The following LAMA1 variants were observed in gnomAD, a reference collection of about 807,000 sequenced individuals.
LAMA1 encodes the protein laminin subunit alpha 1, also known as laminin subunit alpha-1.
LAMA1 carries 219 observed loss-of-function variants against 348.7 expected under a neutral mutation model. The observed-to-expected ratio is 0.63, with a 90% CI of 0.56 to 0.70. The LOEUF is 0.70. LAMA1 is among the 30% of genes least tolerant of loss of function. The pLI, the probability that LAMA1 is intolerant of heterozygous loss-of-function variation, is 0.00. For missense variants in LAMA1, 3,744 were observed against 3,888.0 expected (o/e 0.96, Z 0.99); for synonymous variants, 1,487 against 1,491.0 (o/e 1.00, Z 0.06).
In LAMA1 at chr18:7,101,840, A is replaced by AT. The variant is rs34199422; in HGVS notation, c.61+15819dup. ...ATGCCACCACACCTGGCTAATTTCTATTTTTTTTTTTTTTTTGTAGAGCTG... is the reference window on the plus strand; with the variant it reads ...ATGCCACCACACCTGGCTAATTTCTATTTTTTTTTTTTTTTTTGTAGAGCTG... On this transcript the variant is annotated intron_variant, in intron 1 of 62. Coordinates refer to ENST00000389658, the MANE Select transcript of LAMA1 (RefSeq NM_005559.4). Among the ~76,000 whole-genome samples, 495 of 131,740 alleles carry AT rather than the reference A, an allele frequency of 3.8e-3. 3 individuals carry two copies. The highest frequency in any genetic ancestry group is 0.01 in the African/African-American group (352 of 34,896). The allele number at this position is 131,740 out of a possible 152,430, so 86.4% of individuals were successfully genotyped here.
At chr18:7,063,834 G>A (rs957232910) in intron 3 of LAMA1, among the ~76,000 whole-genome samples, 3 of 152,182 alleles carry the variant, frequency 2.0e-5, no homozygotes, top group Non-Finnish European at 4.4e-5. Context: ...GCTGAATGGA[G>A]GCTACCCAGG....
In LAMA1 at chr18:6,997,761, T is replaced by C. The variant is rs752111097; in HGVS notation, c.4787A>G (p.Asn1596Ser). The C allele has an allele frequency of 3.1e-6, 5 of 1,613,818 alleles. No homozygotes were observed. In the African/African-American group the frequency reaches 6.7e-5, roughly 22 times the overall value. The change falls in exon 33 of 63, where the codon AAT becomes AGT. Residue 1596 changes from asparagine to serine, a missense_variant. Around this residue, in one of 3 missense-constraint regions of LAMA1, gnomAD observed 1,983 missense variants for 1,934.3 expected, o/e 1.03. Coordinates refer to ENST00000389658, the MANE Select transcript of LAMA1 (RefSeq NM_005559.4). ...VPYGILSNLE[N>S]TTKYLQESLL... is the part of the protein sequence containing the mutation. ...ACCTACCTGGAGATATTTAGTTGTA[T>C]TTTCCAGGTTTGACAAAATTCCATA...
At position 7,037,671 on chromosome 18, in the gene LAMA1, C is replaced by T. The variant is rs773428100; in HGVS notation, c.1644G>A (p.Gly548=). The change falls in exon 12 of 63, where the codon GGG becomes GGA. Residue 548 remains glycine, a synonymous_variant. Coordinates refer to ENST00000389658, the MANE Select transcript of LAMA1 (RefSeq NM_005559.4). ...KIPSQQDALG[G]RHQVSINNTA... ...TGTTGTTGATGCTGACCTGATGGCGCCCGCCTAGTGCATCTTGCTGAGACG... is the reference window on the plus strand; with the variant it reads ...TGTTGTTGATGCTGACCTGATGGCGTCCGCCTAGTGCATCTTGCTGAGACG... 1.7e-5 allele frequency: 27 copies of T among 1,614,076 alleles called. No homozygotes were observed. In the East Asian group the frequency reaches 6.0e-4, roughly 36 times the overall value.
At chr18:7,035,850 G>GC (rs2057991946) in intron 13 of LAMA1, 137 bp downstream of exon 13, 2 of 718,908 alleles carry the variant, frequency 2.8e-6, no homozygotes, top group Admixed American at 2.0e-5. Context: ...TAGTCCCCAC[G>GC]CAAGTCCAGG....
rs200862963 is a variant in LAMA1, at chr18:7,002,361, C to G, written c.4285G>C (p.Asp1429His). ...CCAGAAGTACACACATCACAATGGT[C>G]ACCTGCTGTGTTATCGCCACAGTTC... The part of the protein sequence containing the change: ...CLNCGDNTAG[D>H]HCDVCTSGYY... The change falls in exon 30 of 63, where the codon GAC (aspartate) becomes CAC (histidine). Residue 1429 changes from aspartate (D) to histidine (H), a missense_variant. By Grantham distance (81) the Asp-to-His change is moderately conservative. This residue lies in a region of LAMA1 where 1,983 missense variants were observed against 1,934.3 expected (regional missense o/e 1.03). Transcript: ENST00000389658. 11 of 1,613,758 alleles carry G rather than the reference C, an allele frequency of 6.8e-6. No individual in the cohort carries two copies. The African/African-American group carries it at 1.5e-4, about 22-fold the overall frequency.
intron 13 of LAMA1, 71 bp downstream of exon 13, chr18:7,035,916 A>G: frequency 7.7e-7 from 1 of 1,306,700 alleles, no homozygotes. Context: ...CTCACCTAGT[A>G]ACTTTCAGTC....
At chr18:7,025,873 TC>T in intron 17 of LAMA1, 105 bp downstream of exon 17, 1 of 1,474,322 alleles carries the variant, frequency 6.8e-7, no homozygotes, top group Non-Finnish European at 9.3e-7. Flanking sequence ...TGGGCAAAAT[TC>T]ACACACGTAT....
chr18:6,978,432 A>G, intron 42 of LAMA1, 54 bp from the exon 43 acceptor site: 13 of 1,461,092 alleles, frequency 8.9e-6, no homozygotes, highest in Non-Finnish European at 1.2e-5. Context: ...CACAGAGAAA[A>G]GAATAAAACG....
chr18:7,107,345 C>T (rs558359992), intron 1 of LAMA1, among the ~76,000 whole-genome samples: 6 of 152,052 alleles, frequency 3.9e-5, no homozygotes, highest in Non-Finnish European at 7.4e-5. Context: ...GTCTCCATCT[C>T]CTGACCTCGT....
Position 7,111,319 on chromosome 18 carries a change from T to C in LAMA1, c.61+6341A>G, listed in dbSNP as rs144851038. Among the ~76,000 whole-genome samples the C allele has an allele frequency of 5.0e-3, 764 of 152,316 alleles. 5 individuals are homozygous for C. The highest frequency in any genetic ancestry group is 0.017 in the African/African-American group (724 of 41,554). On this transcript the variant is annotated intron_variant, in intron 1 of 62. Transcript: ENST00000389658. ...TAACACTTCGAGATAAATGCTTACC[T>C]AGGCAAGAATGTTATCTACCCAAGC...
At chr18:6,988,429 A>G (rs1555648884) in intron 36 of LAMA1, among the ~76,000 whole-genome samples, 1 of 152,172 alleles carries the variant, frequency 6.6e-6, no homozygotes, top group Non-Finnish European at 1.5e-5. Context: ...TCAGCGTACT[A>G]AAAGCTTTGA....
At chr18:6,945,880 C>G (rs979364034) in intron 61 of LAMA1, among the ~76,000 whole-genome samples, 3 of 152,090 alleles carry the variant, frequency 2.0e-5, no homozygotes, top group African/African-American at 7.2e-5. Context: ...CTGCTGTCCA[C>G]TAGAGAGCCC....
chr18:6,994,287 G>A (rs934088853), intron 34 of LAMA1, among the ~76,000 whole-genome samples: 2 of 152,284 alleles, frequency 1.3e-5, no homozygotes, highest in African/African-American at 2.4e-5. Flanking sequence ...TACACAAGAC[G>A]AGAGCCAGGA....
intron 36 of LAMA1, among the ~76,000 whole-genome samples, chr18:6,989,838 C>T (rs2057751193): frequency 6.6e-6 from 1 of 152,152 alleles, no homozygotes; most frequent in South Asian, 2.1e-4. Context: ...GCCCCCCACA[C>T]ATCTGAGTTG....
chr18:7,022,220 G>C (rs1009187006), intron 19 of LAMA1, among the ~76,000 whole-genome samples: 1 of 152,068 alleles, frequency 6.6e-6, no homozygotes, highest in South Asian at 2.1e-4. Flanking sequence ...GGGAAATACC[G>C]GACACTTAAT....
intron 36 of LAMA1, among the ~76,000 whole-genome samples, chr18:6,990,736 C>T (rs943144564): frequency 7.2e-5 from 11 of 152,130 alleles, no homozygotes; most frequent in African/African-American, 2.2e-4. Flanking sequence ...GAAAGGCCCT[C>T]GATGTCTCCG....
intron 35 of LAMA1, among the ~76,000 whole-genome samples, chr18:6,992,995 T>C (rs1441754408): frequency 6.6e-6 from 1 of 152,232 alleles, no homozygotes; most frequent in East Asian, 1.9e-4. Context: ...CAGCATTTCC[T>C]TGTACCTGGC....
intron 29 of LAMA1, among the ~76,000 whole-genome samples, chr18:7,006,396 GGGC>G (rs67533617): frequency 0.035 from 5,273 of 152,162 alleles, 119 homozygotes; most frequent in Non-Finnish European, 0.045. Flanking sequence ...TGCAAGGAGA[GGGC>G]AATACTTTAC....
At chr18:7,002,640 G>C (rs563478712) in intron 29 of LAMA1, among the ~76,000 whole-genome samples, 1 of 152,202 alleles carries the variant, frequency 6.6e-6, no homozygotes, top group African/African-American at 2.4e-5. Flanking sequence ...AAGGAAAATA[G>C]ACATAGGAGC....
Sources: gnomAD v4.1 joint callset for allele counts (sites outside exome capture counted in the v4.1 genomes callset) on GRCh38, gnomAD v4.1.1 for gene constraint, gnomAD v4.1.1 regional missense constraint, MANE v1.5 for transcripts, NCBI Gene and HGNC (gene_info 2026-07-23, HGNC 2026-07-21) for gene names.